The following DTWD2 variants were observed in gnomAD, a reference collection of about 807,000 sequenced individuals.
DTWD2 encodes DTW motif tRNA-uridine aminocarboxypropyltransferase 2.
In DTWD2, 39 loss-of-function variants were observed where a neutral mutation model predicts 31.8. That is an observed-to-expected ratio of 1.22 (90% CI 0.95 to 1.60). DTWD2 has a LOEUF of 1.60. DTWD2 is among the 40% of genes most tolerant of loss of function. DTWD2 has a pLI of 0.00. For missense variants in DTWD2, 515 were observed against 381.5 expected (o/e 1.35, Z -2.92); for synonymous variants, 180 against 142.8 (o/e 1.26, Z -1.86).
intron 4 of DTWD2, among the ~76,000 whole-genome samples, chr5:118,867,497 A>T (rs1752403942): frequency 6.6e-6 from 1 of 152,246 alleles, no homozygotes; most frequent in Non-Finnish European, 1.5e-5. Context: ...CTCTTGAGCC[A>T]GACTGTCTTT....
chr5:118,895,380 A>C (rs564555085), intron 4 of DTWD2, among the ~76,000 whole-genome samples: 28 of 152,334 alleles, frequency 1.8e-4, no homozygotes, highest in Non-Finnish European at 3.2e-4. Context: ...AAAAATGGAA[A>C]GATATCCCGT....
chr5:118,949,142 G>A (rs1351776356), intron 1 of DTWD2, among the ~76,000 whole-genome samples: 1 of 152,196 alleles, frequency 6.6e-6, no homozygotes, highest in African/African-American at 2.4e-5. Flanking sequence ...AAGATTTGTA[G>A]GAGGGGCTAT....
chr5:118,966,340 G>A (rs560365960), intron 1 of DTWD2, among the ~76,000 whole-genome samples: 9 of 152,290 alleles, frequency 5.9e-5, no homozygotes, highest in East Asian at 1.9e-4. Flanking sequence ...GTCATAAAGG[G>A]TTATGAGGAA....
In DTWD2 at chr5:118,932,323, T is replaced by TA. The variant is rs747699056; in HGVS notation, c.405-3595dup. On this transcript the variant is annotated intron_variant, in intron 3 of 5. Coordinates refer to ENST00000510708, the MANE Select transcript of DTWD2 (RefSeq NM_173666.4). ...AAGACTCTGTCTTGACAAAAAAATTTAAAAAAAAAAAAAAAAAGCTAGAGA... is the reference window on the plus strand; with the variant it reads ...AAGACTCTGTCTTGACAAAAAAATTTAAAAAAAAAAAAAAAAAAGCTAGAGA... Among the ~76,000 whole-genome samples the TA allele has an allele frequency of 5.1e-3, 477 of 94,322 alleles. 3 individuals carry two copies. Among genetic ancestry groups the TA allele is most frequent in the South Asian group, 0.033 (104 of 3,132 alleles). The allele number at this position is 94,322 out of a possible 152,430, so 61.9% of individuals were successfully genotyped here.
intron 4 of DTWD2, among the ~76,000 whole-genome samples, chr5:118,905,107 T>G (rs574903761): frequency 6.6e-6 from 1 of 152,288 alleles, no homozygotes; most frequent in Admixed American, 6.5e-5. Context: ...TGTGTGGATA[T>G]GTGTCTGTGC....
At chr5:118,848,949 C>G (rs975910484) in intron 4 of DTWD2, among the ~76,000 whole-genome samples, 1 of 152,058 alleles carries the variant, frequency 6.6e-6, no homozygotes. Flanking sequence ...GCAATACCAT[C>G]CAGGACACAG....
intron 1 of DTWD2, among the ~76,000 whole-genome samples, chr5:118,945,049 G>C (rs965240009): frequency 6.6e-6 from 1 of 152,096 alleles, no homozygotes; most frequent in African/African-American, 2.4e-5. Context: ...ACAATAAGAT[G>C]ATAAAATACT....
In DTWD2 at chr5:118,961,143, A is replaced by G. The variant is rs114511228; in HGVS notation, c.219-16494T>C. ...TTAAGAGAGGCCAGATGCCTAGAGA[A>G]CAAACGTCTCATGTCTAGAGAGATG... On this transcript the variant is annotated intron_variant, in intron 1 of 5. Transcript: ENST00000510708. Among the ~76,000 whole-genome samples, 491 of 152,296 alleles carry G rather than the reference A, an allele frequency of 3.2e-3. 2 individuals are homozygous for G. The highest frequency in any genetic ancestry group is 0.012 in the African/African-American group (480 of 41,552).
chr5:118,920,006 TA>T (rs544443298), intron 4 of DTWD2, among the ~76,000 whole-genome samples: 3,834 of 143,606 alleles, frequency 0.027, 136 homozygotes, highest in African/African-American at 0.083. Flanking sequence ...GTAATAAAAA[TA>T]AAAAAAAAAA....
chr5:118,858,934 G>A (rs1219962334), intron 4 of DTWD2, among the ~76,000 whole-genome samples: 1 of 152,116 alleles, frequency 6.6e-6, no homozygotes, highest in African/African-American at 2.4e-5. Flanking sequence ...TTTTAAGTAA[G>A]AAAATTTCAA....
chr5:118,923,784 G>A (rs1402847106), intron 4 of DTWD2, among the ~76,000 whole-genome samples: 2 of 152,156 alleles, frequency 1.3e-5, no homozygotes, highest in South Asian at 2.1e-4. Flanking sequence ...AGTTGCTGCA[G>A]ACCCGCACAG....
chr5:118,898,162 G>T (rs1753122901), intron 4 of DTWD2, among the ~76,000 whole-genome samples: 1 of 152,070 alleles, frequency 6.6e-6, no homozygotes, highest in Non-Finnish European at 1.5e-5. Context: ...ACCATGCCCA[G>T]CCAAAAAATT....
At chr5:118,968,346 G>C (rs1028080781) in intron 1 of DTWD2, among the ~76,000 whole-genome samples, 1 of 152,216 alleles carries the variant, frequency 6.6e-6, no homozygotes, top group African/African-American at 2.4e-5. Context: ...TCTGAACATA[G>C]TTAACAGTAC....
At position 118,871,734 on chromosome 5, in the gene DTWD2, T is replaced by C. The variant is rs571943489; in HGVS notation, c.598-23516A>G. 2.6e-5 allele frequency among the ~76,000 whole-genome samples: 4 copies of C among 152,290 alleles called. No individual in the cohort carries two copies. The South Asian group carries it at 6.2e-4, about 24-fold the overall frequency. On this transcript the variant is annotated intron_variant, in intron 4 of 5. Transcript: ENST00000510708. ...TTACAAAGCACAGACAGAGTAGATT[T>C]TGCATGATTTTTAAGGACCTTAGGT...
chr5:118,873,764 T>A (rs1016326726), intron 4 of DTWD2, among the ~76,000 whole-genome samples: 1 of 152,050 alleles, frequency 6.6e-6, no homozygotes, highest in Admixed American at 6.5e-5. Context: ...AGACACTCCA[T>A]CTTGAGGGGC....
chr5:118,891,528 A>G (rs891189597), intron 4 of DTWD2, among the ~76,000 whole-genome samples: 2 of 152,162 alleles, frequency 1.3e-5, no homozygotes, highest in African/African-American at 4.8e-5. Context: ...CCTACTCTCA[A>G]TTGTGGCTAT....
intron 1 of DTWD2, among the ~76,000 whole-genome samples, chr5:118,946,393 C>G (rs370361989): frequency 2.6e-5 from 4 of 152,114 alleles, no homozygotes; most frequent in African/African-American, 9.7e-5. Context: ...GGTGCAATGA[C>G]AAACAGATCG....
At chr5:118,918,556 C>T (rs138655824) in intron 4 of DTWD2, among the ~76,000 whole-genome samples, 10 of 152,124 alleles carry the variant, frequency 6.6e-5, no homozygotes, top group South Asian at 2.1e-4. Flanking sequence ...AAGTTAAACT[C>T]CCAGAAGCAA....
intron 4 of DTWD2, among the ~76,000 whole-genome samples, chr5:118,920,510 C>G (rs921096188): frequency 6.6e-6 from 1 of 152,078 alleles, no homozygotes; most frequent in African/African-American, 2.4e-5. Context: ...AAACACAGTT[C>G]ATTTTGTTGA....
Sources: gnomAD v4.1 joint callset for allele counts (sites outside exome capture counted in the v4.1 genomes callset) on GRCh38, gnomAD v4.1.1 for gene constraint, MANE v1.5 for transcripts, NCBI Gene and HGNC (gene_info 2026-07-23, HGNC 2026-07-21) for gene names.